The following DRC8 variants were observed in gnomAD, a reference collection of about 807,000 sequenced individuals.
DRC8 encodes dynein regulatory complex protein 8.
chr1:245,087,955 T>A, the DRC8 span: 4 of 306,994 alleles, frequency 1.3e-5, no homozygotes, highest in African/African-American at 2.2e-5. Context: ...GGAGTTGAGA[T>A]CATTGGAACT....
At chr1:245,085,438 G>T in the DRC8 span, among the ~76,000 whole-genome samples, 1 of 152,182 alleles carries the variant, frequency 6.6e-6, no homozygotes, top group East Asian at 1.9e-4. Context: ...AGGTGAAGGG[G>T]CTAATGAGAG....
chr1:245,056,814 G>C, the DRC8 span, among the ~76,000 whole-genome samples: 1 of 151,682 alleles, frequency 6.6e-6, no homozygotes, highest in Non-Finnish European at 1.5e-5. Flanking sequence ...GCCCATGCCT[G>C]TAGTCCCAGC....
the DRC8 span, among the ~76,000 whole-genome samples, chr1:244,979,292 C>CTTTTTTT: frequency 2.9e-4 from 15 of 51,382 alleles, no homozygotes; most frequent in African/African-American, 1.3e-3. Flanking sequence ...CGAAGCTTAT[C>CTTTTTTT]TTTTTTTTTT....
chr1:245,066,634 A>C, the DRC8 span, among the ~76,000 whole-genome samples: 3 of 152,218 alleles, frequency 2.0e-5, no homozygotes, highest in Non-Finnish European at 1.5e-5. Flanking sequence ...TAGGCCAGGC[A>C]TGGTGGCTCA....
chr1:245,022,684 C>A, the DRC8 span, among the ~76,000 whole-genome samples: 2 of 151,990 alleles, frequency 1.3e-5, no homozygotes, highest in Admixed American at 6.6e-5. Context: ...ATTCTCCATG[C>A]AAATATGTAT....
chr1:244,999,484 C>T, the DRC8 span, among the ~76,000 whole-genome samples: 1 of 152,162 alleles, frequency 6.6e-6, no homozygotes, highest in Admixed American at 6.5e-5. Flanking sequence ...TTCTCCAGGA[C>T]CCCTCATCAT....
At chr1:245,033,153 C>G in the DRC8 span, among the ~76,000 whole-genome samples, 1 of 152,184 alleles carries the variant, frequency 6.6e-6, no homozygotes, top group Non-Finnish European at 1.5e-5. Context: ...AGAGCTGGCA[C>G]ACGGCGGGCT....
chr1:245,010,229 A>G, the DRC8 span, among the ~76,000 whole-genome samples: 1 of 152,176 alleles, frequency 6.6e-6, no homozygotes. Flanking sequence ...TCAGTTACGG[A>G]GGCATGGAAG....
the DRC8 span, among the ~76,000 whole-genome samples, chr1:244,980,079 C>T: frequency 4.4e-5 from 3 of 67,956 alleles, no homozygotes; most frequent in Non-Finnish European, 1.0e-4. Flanking sequence ...ATTAGCTGGG[C>T]GTGGTGGCAG....
the DRC8 span, among the ~76,000 whole-genome samples, chr1:245,047,906 C>CG: frequency 7.1e-6 from 1 of 140,184 alleles, no homozygotes; most frequent in African/African-American, 2.7e-5. Flanking sequence ...ACCCCAGAGG[C>CG]GGAGGTTGCA....
chr1:245,018,227 A>AG, the DRC8 span, among the ~76,000 whole-genome samples: 2 of 84,426 alleles, frequency 2.4e-5, no homozygotes, highest in African/African-American at 1.4e-4. Context: ...ACTCTGTCTC[A>AG]AAAAAAAAAA....
At chr1:244,971,958 C>CAAAAAAAAAA in the DRC8 span, among the ~76,000 whole-genome samples, 4 of 107,246 alleles carry the variant, frequency 3.7e-5, 1 homozygote, top group African/African-American at 1.5e-4. Flanking sequence ...TGTTCTTTAC[C>CAAAAAAAAAA]AAAAAAAAAA....
the DRC8 span, chr1:245,002,217 T>G: frequency 1.2e-6 from 2 of 1,608,914 alleles, no homozygotes; most frequent in Admixed American, 3.4e-5. Context: ...AATGACGGTG[T>G]TATGGGGAAC....
At chr1:245,066,834 G>C in the DRC8 span, among the ~76,000 whole-genome samples, 1 of 151,994 alleles carries the variant, frequency 6.6e-6, no homozygotes, top group Admixed American at 6.6e-5. Context: ...GTGAACCCGG[G>C]AGGCGGAGCT....
At chr1:244,986,992 G>T in the DRC8 span, among the ~76,000 whole-genome samples, 1 of 152,126 alleles carries the variant, frequency 6.6e-6, no homozygotes, top group Non-Finnish European at 1.5e-5. Flanking sequence ...CCATCCTCAA[G>T]TCTGAGGTGG....
At chr1:245,002,241 C>T in the DRC8 span, 2 of 1,589,964 alleles carry the variant, frequency 1.3e-6, no homozygotes, top group African/African-American at 1.3e-5. Context: ...GGGTACAGTG[C>T]ATTCATACCT....
At chr1:245,004,473 G>A in the DRC8 span, among the ~76,000 whole-genome samples, 48 of 150,826 alleles carry the variant, frequency 3.2e-4, 1 homozygote, top group Admixed American at 2.8e-3. Context: ...AAACTCCTGG[G>A]CTCAAGTGAT....
the DRC8 span, among the ~76,000 whole-genome samples, chr1:245,088,129 A>G: frequency 2.6e-5 from 4 of 152,202 alleles, no homozygotes; most frequent in Non-Finnish European, 4.4e-5. This position sits in a 1 kb window ranked among gnomAD's most constrained non-coding sequence, Gnocchi z 4.6. Context: ...ACAGCTCCTG[A>G]AAGAGCAGAA....
chr1:245,086,471 A>G, the DRC8 span, among the ~76,000 whole-genome samples: 2 of 152,358 alleles, frequency 1.3e-5, no homozygotes, highest in East Asian at 3.9e-4. Flanking sequence ...AAAGTATCAA[A>G]CACACTAGTT....
Sources: gnomAD v4.1 joint callset for allele counts (sites outside exome capture counted in the v4.1 genomes callset) on GRCh38, gnomAD v4.1.1 for gene constraint, Gnocchi (gnomAD v3.1) non-coding constraint, MANE v1.5 for transcripts, NCBI Gene and HGNC (gene_info 2026-07-23, HGNC 2026-07-21) for gene names.